CCSER1: variants seen among roughly 807,000 people sequenced by gnomAD.
CCSER1 encodes the protein coiled-coil serine rich protein 1.
CCSER1 carries 41 observed loss-of-function variants against 82.0 expected under a neutral mutation model. That is an observed-to-expected ratio of 0.50 (90% confidence interval 0.39 to 0.65). The LOEUF (loss-of-function observed/expected upper bound fraction) is 0.65. CCSER1 is among the 30% of genes least tolerant of loss of function. CCSER1 has a pLI of 0.00. For missense variants in CCSER1, 1,119 were observed against 1,064.2 expected (o/e 1.05, Z -0.72); for synonymous variants, 414 against 383.9 (o/e 1.08, Z -0.92).
At chr4:91,398,494 C>A (rs1026825698) in intron 10 of CCSER1, among the ~76,000 whole-genome samples, 1 of 151,602 alleles carries the variant, frequency 6.6e-6, no homozygotes, top group Non-Finnish European at 1.5e-5. Flanking sequence ...GTGATGGTTA[C>A]TTATTTAAAA....
intron 5 of CCSER1, among the ~76,000 whole-genome samples, chr4:90,619,792 A>AT (rs111255138): frequency 2.2e-4 from 33 of 152,012 alleles, no homozygotes; most frequent in Middle Eastern, 6.8e-3. Context: ...AATAATTTGG[A>AT]TTTTTTTTGT....
intron 1 of CCSER1, among the ~76,000 whole-genome samples, chr4:90,166,068 C>T (rs116939537): frequency 1.1e-4 from 17 of 152,022 alleles, no homozygotes; most frequent in East Asian, 7.7e-4. Context: ...TATGATGGTG[C>T]GAAAGTGATA....
chr4:90,920,890 A>G (rs929636552), intron 8 of CCSER1, among the ~76,000 whole-genome samples: 7 of 151,934 alleles, frequency 4.6e-5, no homozygotes, highest in Non-Finnish European at 1.5e-5. Context: ...TGTATACTGA[A>G]ATAAACTGAT....
At chr4:90,721,864 A>T (rs532331953) in intron 6 of CCSER1, among the ~76,000 whole-genome samples, 12 of 151,132 alleles carry the variant, frequency 7.9e-5, no homozygotes, top group Non-Finnish European at 1.6e-4. Flanking sequence ...GTCATACGAG[A>T]TTGATTTGTT....
intron 1 of CCSER1, among the ~76,000 whole-genome samples, chr4:90,251,937 G>A (rs1414545094): frequency 6.6e-6 from 1 of 151,540 alleles, no homozygotes; most frequent in Non-Finnish European, 1.5e-5. Context: ...GTTTTTCTAT[G>A]TTTTATTTCA....
intron 9 of CCSER1, among the ~76,000 whole-genome samples, chr4:90,984,840 A>C (rs906776458): frequency 1.1e-4 from 16 of 151,942 alleles, no homozygotes; most frequent in African/African-American, 3.6e-4. Context: ...AGTCAGACTT[A>C]GTATCTTAGT....
chr4:90,821,750 C>T (rs1010784132), intron 8 of CCSER1, among the ~76,000 whole-genome samples: 1 of 152,028 alleles, frequency 6.6e-6, no homozygotes, highest in African/African-American at 2.4e-5. Flanking sequence ...ATATTTTTCT[C>T]ACTTCTGAGA....
At chr4:91,232,561 G>A (rs1029659740) in intron 10 of CCSER1, among the ~76,000 whole-genome samples, 3 of 151,790 alleles carry the variant, frequency 2.0e-5, no homozygotes, top group African/African-American at 4.8e-5. Context: ...AATATGAAAC[G>A]TTTGTGGCTG....
rs955512139 is a variant in CCSER1 at position 91,603,911 on chromosome 4, G to A, written c.*4854G>A. On this transcript the variant is annotated 3_prime_UTR_variant, in exon 11 of 11. Coordinates refer to ENST00000509176, the MANE Select transcript of CCSER1 (RefSeq NM_001145065.2). ...AATAACTACAATAATTTCATCATGG[G>A]GGCCCCACCCTCATAATCTCATCTA... is the stretch of plus-strand genomic sequence containing the variant. 2 of 151,772 alleles carry A rather than the reference G, an allele frequency of 1.3e-5. No individual in the cohort carries two copies. Among genetic ancestry groups the A allele is most frequent in the African/African-American group, 4.8e-5 (2 of 41,324 alleles). 9.4% of individuals were successfully genotyped at this position (151,772 alleles called of 1,614,324 possible).
intron 9 of CCSER1, among the ~76,000 whole-genome samples, chr4:90,991,412 G>T (rs970552874): frequency 2.6e-5 from 4 of 151,924 alleles, no homozygotes; most frequent in Non-Finnish European, 4.4e-5. Flanking sequence ...CCTTTAAAGA[G>T]AAATCCTTCT....
chr4:90,850,468 AG>A (rs1464291884), intron 8 of CCSER1, among the ~76,000 whole-genome samples: 6 of 152,318 alleles, frequency 3.9e-5, no homozygotes, highest in South Asian at 2.1e-4. Flanking sequence ...GCAAATCTAC[AG>A]GGGCGGAGCT....
intron 1 of CCSER1, among the ~76,000 whole-genome samples, chr4:90,133,221 T>C (rs1225217008): frequency 6.6e-6 from 1 of 152,230 alleles, no homozygotes; most frequent in Non-Finnish European, 1.5e-5. Context: ...TATTCCATTG[T>C]CCATCAAAAG....
At chr4:91,009,940 T>G (rs754184900) in intron 9 of CCSER1, among the ~76,000 whole-genome samples, 1 of 152,198 alleles carries the variant, frequency 6.6e-6, no homozygotes. Flanking sequence ...TAGAGCACCA[T>G]AACAGTCTTG....
intron 9 of CCSER1, among the ~76,000 whole-genome samples, chr4:91,016,940 G>A (rs1169482218): frequency 6.6e-6 from 1 of 152,014 alleles, no homozygotes; most frequent in Non-Finnish European, 1.5e-5. Context: ...TAGGAGAGAA[G>A]AAAATGACAA....
chr4:91,546,986 T>TC (rs1284763971), intron 10 of CCSER1, among the ~76,000 whole-genome samples: 8 of 151,318 alleles, frequency 5.3e-5, no homozygotes, highest in Admixed American at 5.3e-4. Context: ...TTTTTTTTTT[T>TC]TCACCCATGT....
intron 8 of CCSER1, among the ~76,000 whole-genome samples, chr4:90,865,895 G>A (rs572426165): frequency 1.1e-4 from 16 of 152,078 alleles, no homozygotes; most frequent in African/African-American, 3.1e-4. Flanking sequence ...AGGCTGTACA[G>A]GAAGCATGAT....
intron 5 of CCSER1, among the ~76,000 whole-genome samples, chr4:90,498,666 A>T (rs946969601): frequency 6.6e-6 from 1 of 152,180 alleles, no homozygotes; most frequent in Non-Finnish European, 1.5e-5. Flanking sequence ...TGCATTTTAG[A>T]TGATAAAAAT....
At chr4:91,442,351 G>C (rs1395924926) in intron 10 of CCSER1, among the ~76,000 whole-genome samples, 1 of 152,016 alleles carries the variant, frequency 6.6e-6, no homozygotes, top group African/African-American at 2.4e-5. Flanking sequence ...TGACAAACCT[G>C]ACAAAAACAA....
chr4:90,738,374 G>A (rs1745996796), intron 7 of CCSER1, among the ~76,000 whole-genome samples: 1 of 152,054 alleles, frequency 6.6e-6, no homozygotes, highest in South Asian at 2.1e-4. Context: ...AGACTCATAG[G>A]GGTACTGCCT....
Sources: gnomAD v4.1 joint callset for allele counts (sites outside exome capture counted in the v4.1 genomes callset) on GRCh38, gnomAD v4.1.1 for gene constraint, MANE v1.5 for transcripts, NCBI Gene and HGNC (gene_info 2026-07-23, HGNC 2026-07-21) for gene names.